Variants in CTPS2 observed in about 807,000 individuals in gnomAD.
The protein encoded by CTPS2 is CTP synthase II.
CTPS2 carries 19 observed loss-of-function variants against 46.8 expected under a neutral mutation model. The observed-to-expected ratio is 0.41, with a 90% CI of 0.28 to 0.60. The LOEUF (loss-of-function observed/expected upper bound fraction) is 0.60. Ranked by LOEUF, CTPS2 falls within the 20% of genes least tolerant of loss-of-function variation. The pLI is 0.35. For synonymous variants in CTPS2, 151 were observed against 165.2 expected (o/e 0.91, Z 0.66); for missense variants, 286 against 447.6 (o/e 0.64, Z 3.26).
At chrX:16,595,375 G>A (rs1471309420) in intron 17 of CTPS2, among the ~76,000 whole-genome samples, 4 of 110,744 alleles carry the variant, frequency 3.6e-5, no homozygotes, top group Non-Finnish European at 7.6e-5. Flanking sequence ...GCAGTGATTT[G>A]GGCTCACTGC....
chrX:16,647,212 G>A (rs913278078), intron 13 of CTPS2, among the ~76,000 whole-genome samples: 1 of 103,694 alleles, frequency 9.6e-6, no homozygotes, highest in Non-Finnish European at 1.9e-5. Flanking sequence ...GCTAGCATTC[G>A]CTACAAGTAT....
At chrX:16,710,594 G>A (rs1925394224) in intron 1 of CTPS2, among the ~76,000 whole-genome samples, 1 of 111,377 alleles carries the variant, frequency 9.0e-6, no homozygotes, top group Admixed American at 9.6e-5. Context: ...TAATACCAAG[G>A]GGACACCTAA....
intron 10 of CTPS2, among the ~76,000 whole-genome samples, chrX:16,677,043 AG>A (rs1044189937): frequency 5.3e-5 from 5 of 93,639 alleles, no homozygotes; most frequent in African/African-American, 2.1e-4. Context: ...TGGGAGACAG[AG>A]CAAGACTCTG....
chrX:16,650,547 C>T lies in CTPS2; in HGVS notation c.1297-11304G>A, dbSNP rs73630560. Among the ~76,000 whole-genome samples, 147 of 93,020 alleles carry T rather than the reference C, an allele frequency of 1.6e-3. 2 individuals carry two copies. Among genetic ancestry groups the T allele is most frequent in the African/African-American group, 6.0e-3 (143 of 23,966 alleles). The allele number at this position is 93,020 out of a possible 115,157, so 80.8% of individuals were successfully genotyped here. On this transcript the variant is annotated intron_variant, in intron 13 of 18. Transcript: ENST00000359276. The stretch of plus-strand genomic sequence containing the variant: ...TTTTTTTTTTTTTGCAGCGGAGGCT[C>T]GCTCTGTCACCCAGGCTGGAGTGCA...
intron 9 of CTPS2, 85 bp downstream of exon 9, chrX:16,683,009 G>C: frequency 9.4e-7 from 1 of 1,060,122 alleles, no homozygotes; most frequent in South Asian, 2.0e-5. Flanking sequence ...TGATCTCAGG[G>C]ACCCTTTAAC....
chrX:16,588,059 C>T lies in CTPS2; in HGVS notation c.*1758G>A, dbSNP rs1928703938. ...CATAGAAAGGAATGAAATTCTGACA[C>T]ATGCTACAACATGGGTAAACCTTGC... On this transcript the variant is annotated 3_prime_UTR_variant, in exon 19 of 19. Coordinates refer to ENST00000359276, the MANE Select transcript of CTPS2 (RefSeq NM_175859.3). 8.9e-6 allele frequency: 1 copy of T among 112,174 alleles called. No homozygotes were observed. The highest frequency in any genetic ancestry group is 2.8e-4 in the East Asian group (1 of 3,567). The allele number at this position is 112,174 out of a possible 1,213,427, so 9.2% of individuals were successfully genotyped here.
At chrX:16,666,196 G>C (rs954039906) in intron 13 of CTPS2, among the ~76,000 whole-genome samples, 1 of 112,327 alleles carries the variant, frequency 8.9e-6, no homozygotes, top group Non-Finnish European at 1.9e-5. Flanking sequence ...GTGTGCATGG[G>C]TGGCTGGCAA....
At chrX:16,698,868 G>A in intron 3 of CTPS2, 55 bp downstream of exon 3, 2 of 1,076,051 alleles carry the variant, frequency 1.9e-6, no homozygotes, top group South Asian at 4.4e-5. Context: ...CTACTTTTGA[G>A]CAGTACAAAG....
intron 16 of CTPS2, among the ~76,000 whole-genome samples, chrX:16,614,129 C>T (rs2147192799): frequency 9.0e-6 from 1 of 111,715 alleles, no homozygotes; most frequent in South Asian, 3.8e-4. Context: ...AAAAAAATCT[C>T]ATAATGTTTT....
chrX:16,624,776 CAAAAT>C (rs1050615447), intron 14 of CTPS2, among the ~76,000 whole-genome samples: 32 of 111,216 alleles, frequency 2.9e-4, no homozygotes, highest in Non-Finnish European at 5.7e-4. Context: ...TTTTTAGAGA[CAAAAT>C]AAAATGTTCA....
At chrX:16,680,542 G>A (rs181429156) in intron 9 of CTPS2, among the ~76,000 whole-genome samples, 10,477 of 94,343 alleles carry the variant, frequency 0.11, 914 homozygotes, top group African/African-American at 0.28. Context: ...GAGAAAGGGC[G>A]AGACCCTGTC....
At chrX:16,710,711 C>T (rs1161464478) in intron 1 of CTPS2, among the ~76,000 whole-genome samples, 2 of 111,365 alleles carry the variant, frequency 1.8e-5, no homozygotes, top group African/African-American at 3.3e-5. Context: ...CTCCGCCTCC[C>T]GGGTTCAAGC....
intron 17 of CTPS2, among the ~76,000 whole-genome samples, chrX:16,605,474 C>A (rs187463467): frequency 1.8e-5 from 2 of 112,043 alleles, no homozygotes. Context: ...GTAATCCCAG[C>A]ACTTTGGGAG....
chrX:16,674,770 A>G (rs756386797), intron 10 of CTPS2, among the ~76,000 whole-genome samples: 27 of 107,341 alleles, frequency 2.5e-4, no homozygotes, highest in East Asian at 6.1e-4. Flanking sequence ...CCCAGGAGGC[A>G]GAGCTTGCAG....
At chrX:16,698,470 AC>A in intron 3 of CTPS2, 134 bp from the exon 4 acceptor site, 1 of 465,429 alleles carries the variant, frequency 2.1e-6, no homozygotes, top group Admixed American at 3.4e-5. Context: ...AAAGAAAAAA[AC>A]GCAACAATTT....
At chrX:16,606,750 A>G (rs1255032109) in intron 17 of CTPS2, among the ~76,000 whole-genome samples, 1 of 110,639 alleles carries the variant, frequency 9.0e-6, no homozygotes, top group Non-Finnish European at 1.9e-5. Flanking sequence ...CAGTTTTTTC[A>G]GAAACTACTA....
At chrX:16,591,911 T>A (rs1238722363) in intron 17 of CTPS2, among the ~76,000 whole-genome samples, 2 of 111,369 alleles carry the variant, frequency 1.8e-5, no homozygotes, top group East Asian at 2.8e-4. Context: ...TATATTACCA[T>A]GAGATCACAC....
chrX:16,691,812 A>C (rs1014513464), intron 6 of CTPS2, among the ~76,000 whole-genome samples, 192 bp from the exon 7 acceptor site: 4 of 112,466 alleles, frequency 3.6e-5, no homozygotes, highest in Non-Finnish European at 5.6e-5. Flanking sequence ...TAAGAACTCG[A>C]AACATCGAGA....
At chrX:16,620,915 T>C (rs891030047) in intron 14 of CTPS2, among the ~76,000 whole-genome samples, 1 of 112,333 alleles carries the variant, frequency 8.9e-6, no homozygotes, top group Non-Finnish European at 1.9e-5. Flanking sequence ...CAGTTGGACT[T>C]CTCAGAATTT....
Sources: allele counts gnomAD v4.1 joint callset (sites outside exome capture counted in the v4.1 genomes callset), GRCh38; gene constraint gnomAD v4.1.1; transcripts MANE v1.5; gene names NCBI Gene and HGNC (gene_info 2026-07-23, HGNC 2026-07-21).